The following APLF variants were observed in gnomAD, a reference collection of about 807,000 sequenced individuals.
APLF encodes aprataxin and PNK-like factor.
Under a neutral mutation model 55.6 loss-of-function variants are expected in APLF, and 61 were observed. That is an observed-to-expected ratio of 1.10 (90% CI 0.89 to 1.36). The LOEUF is 1.36. Ranked by LOEUF, APLF falls within the 40% of genes most tolerant of loss-of-function variation. APLF has a pLI of 0.00. For synonymous variants in APLF, 207 were observed against 214.8 expected (o/e 0.96, Z 0.32); for missense variants, 611 against 602.5 (o/e 1.01, Z -0.15).
At chr2:68,474,906 G>A (rs1041852449) in intron 1 of APLF, among the ~76,000 whole-genome samples, 1 of 152,186 alleles carries the variant, frequency 6.6e-6, no homozygotes, top group African/African-American at 2.4e-5. Flanking sequence ...GACCTTAGGT[G>A]ATCTGCCTGC....
intron 8 of APLF, among the ~76,000 whole-genome samples, chr2:68,566,141 T>A (rs768052827): frequency 4.8e-4 from 73 of 152,092 alleles, no homozygotes; most frequent in Admixed American, 1.2e-3. Flanking sequence ...AATGGGAGGA[T>A]TTATAGAAAA....
chr2:68,484,831 TA>T (rs540905979), intron 1 of APLF, among the ~76,000 whole-genome samples: 47 of 146,476 alleles, frequency 3.2e-4, no homozygotes, highest in Admixed American at 3.4e-4. Flanking sequence ...ATCCCATCTC[TA>T]AAAAAAAAAA....
intron 9 of APLF, among the ~76,000 whole-genome samples, chr2:68,571,390 A>G (rs1671459848): frequency 6.6e-6 from 1 of 152,100 alleles, no homozygotes. Context: ...CCTGAATGGT[A>G]TTGCCTAGGT....
intron 3 of APLF, among the ~76,000 whole-genome samples, chr2:68,506,337 G>A (rs889791139): frequency 1.3e-5 from 2 of 149,708 alleles, no homozygotes; most frequent in Non-Finnish European, 2.9e-5. Context: ...GGAGGCAGCT[G>A]CCTGATTTCC....
At position 68,538,184 on chromosome 2, in the gene APLF, A is replaced by G; in HGVS notation, c.1117A>G (p.Lys373Glu). ...AGTTCTACAAGGTTCTGAAGGAAAC[A>G]AGGTCAAGAGGACATCCTGCATGTA... ...DSVLQGSEGN[K>E]VKRTSCMYGA... Residue 373 changes from lysine to glutamate, a missense_variant, in exon 7 of 10, where the codon AAG (lysine) becomes GAG (glutamate). Lys to Glu is a moderately conservative substitution (Grantham distance 56). Coordinates refer to ENST00000303795, the MANE Select transcript of APLF (RefSeq NM_173545.3). 1 of 1,613,072 alleles carries G rather than the reference A, an allele frequency of 6.2e-7. No individual in the cohort carries two copies. Among genetic ancestry groups the G allele is most frequent in the Non-Finnish European group, 8.5e-7 (1 of 1,179,684 alleles).
chr2:68,530,027 G>C (rs1214441746), intron 6 of APLF, among the ~76,000 whole-genome samples: 1 of 144,022 alleles, frequency 6.9e-6, no homozygotes. Context: ...GGTTTCCAAA[G>C]AGAGGACGCG....
chr2:68,471,528 T>C (rs1173048805), intron 1 of APLF, among the ~76,000 whole-genome samples: 1 of 152,106 alleles, frequency 6.6e-6, no homozygotes, highest in African/African-American at 2.4e-5. Flanking sequence ...GGCGCCAGGC[T>C]GACACTTGGA....
intron 2 of APLF, among the ~76,000 whole-genome samples, chr2:68,496,923 G>A (rs983534603): frequency 5.9e-5 from 9 of 152,092 alleles, no homozygotes; most frequent in Non-Finnish European, 8.8e-5. Flanking sequence ...TCATCTTCCT[G>A]TCTTCTTCTC....
chr2:68,577,356 T>G (rs892542487), intron 9 of APLF, among the ~76,000 whole-genome samples: 1 of 152,136 alleles, frequency 6.6e-6, no homozygotes, highest in African/African-American at 2.4e-5. Context: ...ATCTGGGACA[T>G]GCTGTTCTTG....
intron 1 of APLF, among the ~76,000 whole-genome samples, chr2:68,474,928 A>G (rs111497876): frequency 0.025 from 3,881 of 152,292 alleles, 66 homozygotes; most frequent in South Asian, 0.043. Flanking sequence ...TCAGCCTCCC[A>G]AAGTGTTGAG....
chr2:68,477,948 A>G (rs185565594), intron 1 of APLF, among the ~76,000 whole-genome samples: 15 of 152,196 alleles, frequency 9.9e-5, no homozygotes, highest in East Asian at 1.9e-4. Context: ...TGGGATTGTT[A>G]CAATACAAGG....
chr2:68,570,127 T>G (rs1277309877), intron 9 of APLF, among the ~76,000 whole-genome samples: 1 of 152,032 alleles, frequency 6.6e-6, no homozygotes, highest in Non-Finnish European at 1.5e-5. Context: ...CTGTTTCTTG[T>G]AGGTTGGACT....
intron 2 of APLF, among the ~76,000 whole-genome samples, chr2:68,500,001 A>C (rs1676672696): frequency 2.0e-5 from 3 of 152,074 alleles, no homozygotes; most frequent in Non-Finnish European, 4.4e-5. Flanking sequence ...ATTTTTCAAA[A>C]CTTTTATTTT....
intron 3 of APLF, among the ~76,000 whole-genome samples, chr2:68,505,845 G>C (rs567024532): frequency 6.6e-6 from 1 of 152,106 alleles, no homozygotes; most frequent in African/African-American, 2.4e-5. Flanking sequence ...AGGCATGATT[G>C]AGTAAATCAT....
At chr2:68,549,201 T>G (rs1206447387) in intron 8 of APLF, among the ~76,000 whole-genome samples, 2 of 152,068 alleles carry the variant, frequency 1.3e-5, no homozygotes, top group Non-Finnish European at 2.9e-5. Flanking sequence ...ATATATTTGT[T>G]GAAGAAAGCT....
chr2:68,546,988 G>A lies in APLF; in HGVS notation c.1286+1676G>A, dbSNP rs533417270. ...AACAGATGGTATTATTGTATATGCAGTAAATACAAAGTGGCCCACTGATGA... is the reference window on the plus strand; with the variant it reads ...AACAGATGGTATTATTGTATATGCAATAAATACAAAGTGGCCCACTGATGA... On this transcript the variant is annotated intron_variant, in intron 8 of 9. Coordinates refer to ENST00000303795, the MANE Select transcript of APLF (RefSeq NM_173545.3). 1.1e-4 allele frequency among the ~76,000 whole-genome samples: 17 copies of A among 151,944 alleles called. No individual in the cohort carries two copies. The South Asian group carries it at 3.5e-3, about 31-fold the overall frequency.
chr2:68,550,070 G>C (rs996054042), intron 8 of APLF, among the ~76,000 whole-genome samples: 1 of 152,086 alleles, frequency 6.6e-6, no homozygotes, highest in African/African-American at 2.4e-5. Context: ...ACTACCCAAG[G>C]TTATGTGGTT....
intron 5 of APLF, among the ~76,000 whole-genome samples, chr2:68,518,895 C>A (rs1669780085): frequency 3.3e-5 from 4 of 121,744 alleles, no homozygotes; most frequent in East Asian, 2.3e-4. Context: ...AATATTATAT[C>A]ATTAATATAT....
intron 1 of APLF, among the ~76,000 whole-genome samples, chr2:68,475,835 T>A (rs1675754385): frequency 6.6e-6 from 1 of 152,018 alleles, no homozygotes; most frequent in South Asian, 2.1e-4. Context: ...ATTTTATGAT[T>A]TGTAGATTTC....
Sources: gnomAD v4.1 joint callset for allele counts (sites outside exome capture counted in the v4.1 genomes callset) on GRCh38, gnomAD v4.1.1 for gene constraint, MANE v1.5 for transcripts, NCBI Gene and HGNC (gene_info 2026-07-23, HGNC 2026-07-21) for gene names.